Variants in SPATA6 observed in about 807,000 individuals in gnomAD.
SPATA6 encodes the protein spermatogenesis associated 6.
SPATA6 carries 56 observed loss-of-function variants against 65.3 expected under a neutral mutation model. The ratio of observed to expected loss-of-function variants is 0.86; its 90% confidence interval spans 0.69 to 1.07. The LOEUF is 1.07. SPATA6 is among the 50% of genes least tolerant of loss of function. The pLI, the probability that SPATA6 is intolerant of heterozygous loss-of-function variation, is 0.00. For synonymous variants in SPATA6, 199 were observed against 213.2 expected (o/e 0.93, Z 0.58); for missense variants, 590 against 594.8 (o/e 0.99, Z 0.08).
chr1:48,274,830 A>T, the SPATA6 span, among the ~76,000 whole-genome samples: 1 of 151,914 alleles, frequency 6.6e-6, no homozygotes, highest in African/African-American at 2.4e-5. Context: ...CAGGCTCTTT[A>T]TGGTTCCATA....
In SPATA6 at chr1:48,298,704, T is replaced by C. The variant is rs1442092235; in HGVS notation, c.*9A>G. 2.5e-6 allele frequency: 4 copies of C among 1,608,392 alleles called. No homozygotes were observed. The highest frequency in any genetic ancestry group is 3.4e-6 in the Non-Finnish European group (4 of 1,177,046). ...ACACGGACACTAATGAGGTTTATCA[T>C]GGATGGTCTCAGAAGCTTTCCTGTG... is the stretch of plus-strand genomic sequence containing the variant. On this transcript the variant is annotated 3_prime_UTR_variant, in exon 13 of 13. Coordinates refer to ENST00000371847, the MANE Select transcript of SPATA6 (RefSeq NM_019073.4).
At chr1:48,326,403 G>C (rs893443930) in intron 11 of SPATA6, among the ~76,000 whole-genome samples, 2 of 151,434 alleles carry the variant, frequency 1.3e-5, no homozygotes, top group Admixed American at 1.3e-4. Flanking sequence ...ATTAGGATCA[G>C]TTATGTTAAA....
chr1:48,421,430 CTATCT>C (rs1653326426), intron 3 of SPATA6, among the ~76,000 whole-genome samples: 1 of 151,912 alleles, frequency 6.6e-6, no homozygotes, highest in African/African-American at 2.4e-5. Context: ...TATTTGATCT[CTATCT>C]TATATGTTCA....
rs61772953 is a variant in SPATA6, at chr1:48,331,140, A to T, written c.1194+24530T>A. On this transcript the variant is annotated intron_variant, in intron 11 of 12. Transcript: ENST00000371847. ...GTAAGACCACAAAGATGATAAACAG[A>T]AGAACTCTGACAACCCAAAAAGCCA... Among the ~76,000 whole-genome samples the T allele has an allele frequency of 3.1e-3, 469 of 152,336 alleles. 3 individuals are homozygous for T. The highest frequency in any genetic ancestry group is 4.9e-3 in the Non-Finnish European group (331 of 68,028).
intron 11 of SPATA6, 190 bp downstream of exon 11, chr1:48,355,480 T>C (rs970834568): frequency 2.1e-6 from 1 of 470,816 alleles, no homozygotes; most frequent in African/African-American, 2.0e-5. Flanking sequence ...TCAAACATTT[T>C]GCATAATGAC....
chr1:48,285,203 C>T, the SPATA6 span, among the ~76,000 whole-genome samples: 2 of 152,142 alleles, frequency 1.3e-5, no homozygotes, highest in Non-Finnish European at 2.9e-5. Context: ...CCAGTTCAAA[C>T]TTCCCGGCAG....
chr1:48,332,152 C>G (rs1185835837), intron 11 of SPATA6, among the ~76,000 whole-genome samples: 1 of 152,206 alleles, frequency 6.6e-6, no homozygotes, highest in Non-Finnish European at 1.5e-5. Context: ...ACCAGTGACA[C>G]TTATAAAGCC....
At chr1:48,342,072 A>T (rs1214851313) in intron 11 of SPATA6, among the ~76,000 whole-genome samples, 1 of 152,200 alleles carries the variant, frequency 6.6e-6, no homozygotes, top group Non-Finnish European at 1.5e-5. Context: ...CAAATGCAAA[A>T]GCAGGGGTTG....
chr1:48,430,450 A>T (rs1237649889), intron 3 of SPATA6, among the ~76,000 whole-genome samples: 1 of 152,142 alleles, frequency 6.6e-6, no homozygotes, highest in Admixed American at 6.5e-5. Context: ...GTTTATTACC[A>T]CTAGACCTGT....
At chr1:48,451,641 T>C (rs369017781) in intron 2 of SPATA6, 41 bp from the exon 3 acceptor site, 43 of 1,572,526 alleles carry the variant, frequency 2.7e-5, no homozygotes, top group African/African-American at 9.6e-5. Context: ...AAGGAAGATA[T>C]ATATTTTTTT....
At chr1:48,282,807 A>G in the SPATA6 span, among the ~76,000 whole-genome samples, 148,733 of 152,188 alleles carry the variant, frequency 0.98, 72,768 homozygotes, top group East Asian at 1. Flanking sequence ...TAGAAATACC[A>G]TTTGACCCAG....
chr1:48,408,722 A>C (rs1286981303), intron 5 of SPATA6, among the ~76,000 whole-genome samples: 1 of 152,214 alleles, frequency 6.6e-6, no homozygotes, highest in Non-Finnish European at 1.5e-5. Context: ...GAATGCAGGG[A>C]GGAGCAAGTC....
At chr1:48,367,480 C>T (rs1034478873) in intron 9 of SPATA6, among the ~76,000 whole-genome samples, 1 of 152,186 alleles carries the variant, frequency 6.6e-6, no homozygotes, top group African/African-American at 2.4e-5. Flanking sequence ...CTGCATGCTC[C>T]TGTATTTGGT....
chr1:48,380,065 T>A (rs1266790004), intron 9 of SPATA6, among the ~76,000 whole-genome samples: 1 of 152,178 alleles, frequency 6.6e-6, no homozygotes, highest in African/African-American at 2.4e-5. Flanking sequence ...TATACCTTAA[T>A]AAAGCTGGAG....
At chr1:48,261,949 T>C in the SPATA6 span, among the ~76,000 whole-genome samples, 2 of 152,084 alleles carry the variant, frequency 1.3e-5, no homozygotes, top group Admixed American at 1.3e-4. Context: ...CTATTCACTG[T>C]TTCCAGTGTG....
At chr1:48,456,247 G>A (rs1414513083) in intron 1 of SPATA6, among the ~76,000 whole-genome samples, 1 of 152,130 alleles carries the variant, frequency 6.6e-6, no homozygotes, top group Non-Finnish European at 1.5e-5. Flanking sequence ...GGAAATAGAA[G>A]GCCACTCTTT....
the SPATA6 span, among the ~76,000 whole-genome samples, chr1:48,283,694 A>AGAAGG: frequency 8.3e-6 from 1 of 120,998 alleles, no homozygotes; most frequent in African/African-American, 3.4e-5. Flanking sequence ...AAAAAAAAAA[A>AGAAGG]AAAAAAGAAA....
chr1:48,276,129 T>A, the SPATA6 span, among the ~76,000 whole-genome samples: 2 of 152,184 alleles, frequency 1.3e-5, no homozygotes, highest in African/African-American at 4.8e-5. Context: ...CATAGAGGTG[T>A]TTATAGTATT....
intron 11 of SPATA6, among the ~76,000 whole-genome samples, chr1:48,319,264 T>A (rs1645530008): frequency 6.6e-6 from 1 of 152,276 alleles, no homozygotes; most frequent in Non-Finnish European, 1.5e-5. Flanking sequence ...AAAGTTGGAT[T>A]TCATCAAAAT....
Sources: allele counts gnomAD v4.1 joint callset (sites outside exome capture counted in the v4.1 genomes callset), GRCh38; gene constraint gnomAD v4.1.1; transcripts MANE v1.5; gene names NCBI Gene and HGNC (gene_info 2026-07-23, HGNC 2026-07-21).